The following FARP1 variants were observed in gnomAD, a reference collection of about 807,000 sequenced individuals.
FARP1 encodes the protein FERM, ARHGEF and pleckstrin domain-containing protein 1.
A neutral mutation model predicts 128.8 loss-of-function variants in FARP1; 52 were observed. The ratio of observed to expected loss-of-function variants is 0.40; its 90% CI spans 0.32 to 0.51. The LOEUF is 0.51. FARP1 is among the 20% of genes least tolerant of loss of function. The pLI, the probability that FARP1 is intolerant of heterozygous loss-of-function variation, is 0.45. For missense variants in FARP1, 1,333 were observed against 1,367.9 expected (o/e 0.97, Z 0.40); for synonymous variants, 580 against 551.8 (o/e 1.05, Z -0.72).
intron 2 of FARP1, among the ~76,000 whole-genome samples, chr13:98,254,731 G>C (rs1368813442): frequency 6.6e-6 from 1 of 152,138 alleles, no homozygotes; most frequent in South Asian, 2.1e-4. Flanking sequence ...CTCACTGCTG[G>C]GATTAATTTC....
chr13:98,249,585 A>G, intron 2 of FARP1, among the ~76,000 whole-genome samples: 1 of 152,058 alleles, frequency 6.6e-6, no homozygotes, highest in East Asian at 1.9e-4. Context: ...TTTCCCCACC[A>G]TGTTCTTCAC....
At chr13:98,203,746 C>T (rs529016134) in intron 1 of FARP1, 3 of 152,190 alleles carry the variant, frequency 2.0e-5, no homozygotes, top group African/African-American at 4.8e-5. Flanking sequence ...TTTCATTTGT[C>T]CTGGGAAGAT....
chr13:98,221,815 A>C (rs1881429482), intron 2 of FARP1, among the ~76,000 whole-genome samples: 1 of 152,194 alleles, frequency 6.6e-6, no homozygotes, highest in Non-Finnish European at 1.5e-5. Flanking sequence ...CCTCTAGGGT[A>C]GGTCTTCTCA....
intron 2 of FARP1, among the ~76,000 whole-genome samples, chr13:98,251,177 G>T (rs1883304710): frequency 1.3e-5 from 2 of 152,246 alleles, no homozygotes; most frequent in Non-Finnish European, 2.9e-5. Flanking sequence ...TAAGTGGACA[G>T]CTGTTAGAAC....
rs150669664 is a variant in FARP1 at position 98,150,936 on chromosome 13, C to T, written c.-24+7444C>T. ...ATGAATGAAAAATGGGTGCCTTGGG[C>T]AAAAGCAAGTTGTAACATTCTAAAA... On this transcript the variant is annotated intron_variant, in intron 1 of 26. Transcript: ENST00000319562. Among the ~76,000 whole-genome samples the T allele has an allele frequency of 3.0e-3, 462 of 151,840 alleles. 5 individuals are homozygous for T. Among genetic ancestry groups the T allele is most frequent in the African/African-American group, 0.01 (429 of 41,512 alleles).
intron 1 of FARP1, among the ~76,000 whole-genome samples, chr13:98,156,947 A>C (rs1294463747): frequency 6.6e-6 from 1 of 152,116 alleles, no homozygotes; most frequent in East Asian, 1.9e-4. Flanking sequence ...TTCCTCATCT[A>C]GTCTTCATTA....
chr13:98,397,737 C>T (rs1890602817), intron 13 of FARP1: 1 of 151,980 alleles, frequency 6.6e-6, no homozygotes, highest in Non-Finnish European at 1.5e-5. Context: ...TACTGGGCAG[C>T]CAGGGTCACT....
chr13:98,259,458 C>T (rs1378868065), intron 2 of FARP1, among the ~76,000 whole-genome samples: 3 of 151,440 alleles, frequency 2.0e-5, no homozygotes, highest in Admixed American at 2.0e-4. Context: ...TAAGTGCAGC[C>T]TGTCTTACTG....
At chr13:98,160,148 C>T (rs1876775487) in intron 1 of FARP1, among the ~76,000 whole-genome samples, 1 of 152,204 alleles carries the variant, frequency 6.6e-6, no homozygotes, top group South Asian at 2.1e-4. Context: ...GTGAGAGTCA[C>T]TGTGGCCAGG....
intron 11 of FARP1, among the ~76,000 whole-genome samples, chr13:98,392,844 T>G (rs1890366741): frequency 6.6e-6 from 1 of 151,772 alleles, no homozygotes; most frequent in Non-Finnish European, 1.5e-5. Context: ...GTTTTTTTTT[T>G]GGAGATGAAT....
chr13:98,276,430 A>G (rs1421952416), intron 2 of FARP1, among the ~76,000 whole-genome samples: 1 of 152,228 alleles, frequency 6.6e-6, no homozygotes, highest in East Asian at 1.9e-4. Context: ...AACAGTTGAA[A>G]AAAAGCAAAA....
At position 98,365,444 on chromosome 13, in the gene FARP1, A is replaced by G. The variant is rs768855483; in HGVS notation, c.319+7A>G. 5.0e-6 allele frequency: 8 copies of G among 1,586,700 alleles called. No individual in the cohort carries two copies. Among genetic ancestry groups the G allele is most frequent in the Non-Finnish European group, 6.9e-6 (8 of 1,155,756 alleles). On this transcript the variant is annotated splice_region_variant and intron_variant, in intron 4 of 26. Transcript: ENST00000319562. ...ATTGTGAAACAGATTAGAAGTGAGT[A>G]TATACCATATGTTTAATAGTGATGT...
intron 2 of FARP1, among the ~76,000 whole-genome samples, chr13:98,232,930 G>C (rs1882214333): frequency 6.6e-6 from 1 of 152,210 alleles, no homozygotes; most frequent in African/African-American, 2.4e-5. Flanking sequence ...GCCTTTCATG[G>C]TATCTGTTGT....
intron 3 of FARP1, among the ~76,000 whole-genome samples, chr13:98,354,849 A>C (rs60764945): frequency 6.0e-4 from 92 of 152,324 alleles, no homozygotes; most frequent in African/African-American, 2.2e-3. Context: ...CATTTATCCA[A>C]AGTTCTTAAG....
intron 2 of FARP1, among the ~76,000 whole-genome samples, chr13:98,239,997 G>A (rs577018097): frequency 6.6e-6 from 1 of 152,314 alleles, no homozygotes; most frequent in South Asian, 2.1e-4. Flanking sequence ...AAGTGAGCAG[G>A]TGATATCCGT....
At chr13:98,396,877 G>A (rs1890571788) in intron 13 of FARP1, 1 of 161,146 alleles carries the variant, frequency 6.2e-6, no homozygotes, top group Non-Finnish European at 1.3e-5. Flanking sequence ...CCTGTTGGTT[G>A]AGAGTTTGAA....
At chr13:98,190,112 T>C (rs1295442209) in intron 1 of FARP1, among the ~76,000 whole-genome samples, 1 of 152,320 alleles carries the variant, frequency 6.6e-6, no homozygotes, top group East Asian at 1.9e-4. Context: ...ATATTAACTT[T>C]TCTCTTTTTG....
chr13:98,250,445 G>A (rs1287373602), intron 2 of FARP1, among the ~76,000 whole-genome samples: 3 of 152,126 alleles, frequency 2.0e-5, no homozygotes, highest in Non-Finnish European at 2.9e-5. Context: ...TATGAGGGCC[G>A]GGCACGGTGG....
chr13:98,286,858 T>G (rs1885194204), intron 2 of FARP1, among the ~76,000 whole-genome samples: 1 of 152,228 alleles, frequency 6.6e-6, no homozygotes, highest in Non-Finnish European at 1.5e-5. Flanking sequence ...AACAGAATTT[T>G]GGATTGATGG....
Sources: allele counts gnomAD v4.1 joint callset (sites outside exome capture counted in the v4.1 genomes callset), GRCh38; gene constraint gnomAD v4.1.1; transcripts MANE v1.5; gene names NCBI Gene and HGNC (gene_info 2026-07-23, HGNC 2026-07-21).